WDFY2: variants seen among roughly 807,000 people sequenced by gnomAD.
WDFY2 encodes the protein WD repeat and FYVE domain containing 2.
In WDFY2, 36 loss-of-function variants were observed where a neutral mutation model predicts 56.4. That is an observed-to-expected ratio of 0.64 (90% CI 0.49 to 0.84). The LOEUF (loss-of-function observed/expected upper bound fraction) is 0.84, where lower values mean the gene tolerates loss of function less well. WDFY2 is among the 40% of genes least tolerant of loss of function. WDFY2 has a pLI of 0.00. For missense variants in WDFY2, 444 were observed against 512.2 expected (o/e 0.87, Z 1.29); for synonymous variants, 176 against 183.7 (o/e 0.96, Z 0.34).
intron 1 of WDFY2, among the ~76,000 whole-genome samples, chr13:51,643,818 C>A (rs889221199): frequency 2.6e-5 from 4 of 151,802 alleles, no homozygotes; most frequent in African/African-American, 9.7e-5. Context: ...ATTTATATGA[C>A]CTTTTAAAAG....
intron 6 of WDFY2, among the ~76,000 whole-genome samples, chr13:51,738,536 G>A (rs1158847999): frequency 1.3e-5 from 2 of 152,162 alleles, no homozygotes; most frequent in African/African-American, 4.8e-5. Flanking sequence ...AAGAACATAA[G>A]AAGTTTGCCC....
At chr13:51,654,804 C>A (rs974871777) in intron 1 of WDFY2, among the ~76,000 whole-genome samples, 2 of 151,900 alleles carry the variant, frequency 1.3e-5, no homozygotes, top group Non-Finnish European at 2.9e-5. Context: ...TTTTAAGCTG[C>A]TTTTGTACCT....
At chr13:51,600,703 G>A (rs1954258051) in intron 1 of WDFY2, among the ~76,000 whole-genome samples, 1 of 152,130 alleles carries the variant, frequency 6.6e-6, no homozygotes, top group Non-Finnish European at 1.5e-5. Flanking sequence ...CTGTGGATGG[G>A]GAGAGGAGGG....
At chr13:51,697,658 A>G (rs1321013566) in intron 3 of WDFY2, among the ~76,000 whole-genome samples, 1 of 152,106 alleles carries the variant, frequency 6.6e-6, no homozygotes, top group East Asian at 1.9e-4. Flanking sequence ...ATGAAATGTA[A>G]CAGTTAAAGA....
At chr13:51,613,350 G>A (rs1954541185) in intron 1 of WDFY2, among the ~76,000 whole-genome samples, 1 of 152,194 alleles carries the variant, frequency 6.6e-6, no homozygotes, top group African/African-American at 2.4e-5. Flanking sequence ...GGCTCAATCT[G>A]CTCCTCTTGC....
intron 3 of WDFY2, among the ~76,000 whole-genome samples, chr13:51,703,239 C>T (rs1952019335): frequency 6.6e-6 from 1 of 152,132 alleles, no homozygotes; most frequent in African/African-American, 2.4e-5. Flanking sequence ...AAATGCTATC[C>T]ATTTCCTTAC....
At chr13:51,634,462 C>CAATT (rs1955008781) in intron 1 of WDFY2, among the ~76,000 whole-genome samples, 2 of 152,072 alleles carry the variant, frequency 1.3e-5, no homozygotes, top group African/African-American at 4.8e-5. Context: ...TATCATGAAT[C>CAATT]CAGGTAAGAG....
At chr13:51,723,489 T>G (rs565089952) in intron 5 of WDFY2, among the ~76,000 whole-genome samples, 13 of 152,286 alleles carry the variant, frequency 8.5e-5, no homozygotes, top group African/African-American at 2.9e-4. Context: ...CACCGCCTTG[T>G]TGAAGGTACT....
intron 1 of WDFY2, among the ~76,000 whole-genome samples, chr13:51,639,694 C>T (rs117344316): frequency 2.0e-5 from 3 of 152,106 alleles, no homozygotes; most frequent in East Asian, 3.9e-4. Flanking sequence ...GATGGATATT[C>T]GAAATAATGT....
Position 51,751,379 on chromosome 13 carries a change from G to A in WDFY2, c.795G>A (p.Gly265=). 2 of 1,614,096 alleles carry A rather than the reference G, an allele frequency of 1.2e-6. No homozygotes were observed. The highest frequency in any genetic ancestry group is 2.2e-5 in the East Asian group (1 of 44,872). Residue 265 remains glycine, a synonymous_variant, in exon 8 of 12, where the codon GGG becomes GGA. Coordinates refer to ENST00000298125, the MANE Select transcript of WDFY2 (RefSeq NM_052950.4). ...TGATCTCCTGTGGCGGTGATGGTGG[G>A]ATTGTCGTCTGGAACATGGACGTGG... ...RQLISCGGDG[G]IVVWNMDVER...
intron 3 of WDFY2, among the ~76,000 whole-genome samples, chr13:51,694,550 C>A (rs1231047703): frequency 4.6e-5 from 7 of 152,276 alleles, no homozygotes; most frequent in South Asian, 2.1e-4. Context: ...CCCAGAGATC[C>A]GCTGTTAGTC....
At chr13:51,631,794 G>A (rs1954957607) in intron 1 of WDFY2, among the ~76,000 whole-genome samples, 1 of 152,152 alleles carries the variant, frequency 6.6e-6, no homozygotes, top group African/African-American at 2.4e-5. Flanking sequence ...CTCCCAAAGT[G>A]CTGGGATTAC....
At chr13:51,731,289 G>A (rs1952718036) in intron 6 of WDFY2, among the ~76,000 whole-genome samples, 1 of 152,166 alleles carries the variant, frequency 6.6e-6, no homozygotes, top group African/African-American at 2.4e-5. Context: ...GTTGCCTCCA[G>A]GTCAGAAAAG....
At chr13:51,597,075 C>T (rs567715476) in intron 1 of WDFY2, among the ~76,000 whole-genome samples, 16 of 152,116 alleles carry the variant, frequency 1.1e-4, no homozygotes, top group Non-Finnish European at 1.8e-4. Flanking sequence ...CCTCCTCCCA[C>T]CTCACTTTAA....
intron 7 of WDFY2, among the ~76,000 whole-genome samples, chr13:51,745,921 G>C (rs950179412): frequency 6.6e-6 from 1 of 150,450 alleles, no homozygotes; most frequent in South Asian, 2.1e-4. Context: ...CTTCTACCTG[G>C]AAGTTTTTAT....
intron 1 of WDFY2, among the ~76,000 whole-genome samples, chr13:51,585,481 C>T (rs1953919310): frequency 6.6e-6 from 1 of 152,150 alleles, no homozygotes; most frequent in South Asian, 2.1e-4. Flanking sequence ...AGTTCCTTCC[C>T]TTTGCCTGTT....
At chr13:51,749,271 A>C (rs192426013) in intron 7 of WDFY2, among the ~76,000 whole-genome samples, 8 of 152,308 alleles carry the variant, frequency 5.3e-5, no homozygotes, top group Admixed American at 5.2e-4. Context: ...TACTAAACCA[A>C]AGCTCTTTGG....
chr13:51,600,972 G>A (rs1954266935), intron 1 of WDFY2, among the ~76,000 whole-genome samples: 1 of 152,072 alleles, frequency 6.6e-6, no homozygotes, highest in Non-Finnish European at 1.5e-5. Flanking sequence ...TTTGACATGT[G>A]GACTCTTTTC....
chr13:51,648,706 C>T (rs975392318), intron 1 of WDFY2, among the ~76,000 whole-genome samples: 1 of 152,154 alleles, frequency 6.6e-6, no homozygotes. Flanking sequence ...CCTGCACGTT[C>T]TGCACATGTA....
Sources: gnomAD v4.1 joint callset for allele counts (sites outside exome capture counted in the v4.1 genomes callset) on GRCh38, gnomAD v4.1.1 for gene constraint, MANE v1.5 for transcripts, NCBI Gene and HGNC (gene_info 2026-07-23, HGNC 2026-07-21) for gene names.